ASTN2: variants seen among roughly 807,000 people sequenced by gnomAD.
ASTN2 encodes astrotactin 2.
A neutral mutation model predicts 139.8 loss-of-function variants in ASTN2; 54 were observed. The observed-to-expected ratio is 0.39, with a 90% CI of 0.31 to 0.48. ASTN2 has a LOEUF of 0.48. ASTN2 is among the 20% of genes least tolerant of loss of function. ASTN2 has a pLI of 0.95. For synonymous variants in ASTN2, 756 were observed against 719.5 expected, an observed-to-expected ratio of 1.05 and a Z score of -0.81; for missense variants, 1,565 against 1,725.1, an observed-to-expected ratio of 0.91 and a Z score of 1.64.
rs114995996 is a variant in ASTN2 at position 116,978,176 on chromosome 9, G to A, written c.1592-1391C>T. Among the ~76,000 whole-genome samples the A allele has an allele frequency of 3.0e-3, 460 of 152,210 alleles. 1 individual carries two copies. The highest frequency in any genetic ancestry group is 0.011 in the African/African-American group (443 of 41,520). On this transcript the variant is annotated intron_variant, in intron 7 of 22. Coordinates refer to ENST00000313400, the MANE Select transcript of ASTN2 (RefSeq NM_001365068.1). ...CAGTGTAGTGTGATTCTCCATGAGG[G>A]TGATACATACACAATTTTCACCAAC... is the stretch of plus-strand genomic sequence containing the variant.
chr9:117,414,613 C>T lies in ASTN2; in HGVS notation c.326G>A (p.Gly109Asp). ...AAAAASPGSP[G>D]SAGTAAESRL... ...CGACTCGGCGGCGGTGCCGGCAGAG[C>T]CAGGAGAGCCCGGGGACGCGGCGGC... The change falls in exon 1 of 23, where the codon GGC (glycine) becomes GAC (aspartate). Residue 109 changes from glycine (G) to aspartate (D), a missense_variant. By Grantham distance (94) the Gly-to-Asp change is moderately conservative. Coordinates refer to ENST00000313400, the MANE Select transcript of ASTN2 (RefSeq NM_001365068.1). This position sits in a 1 kb window ranked among gnomAD's most constrained non-coding sequence, Gnocchi z 4.2. 6.5e-7 allele frequency: 1 copy of T among 1,537,202 alleles called. No individual in the cohort carries two copies. Among genetic ancestry groups the T allele is most frequent in the Non-Finnish European group, 8.7e-7 (1 of 1,148,244 alleles).
intron 16 of ASTN2, among the ~76,000 whole-genome samples, chr9:116,680,571 A>C (rs1859790793): frequency 6.6e-6 from 1 of 152,330 alleles, no homozygotes; most frequent in East Asian, 1.9e-4. Flanking sequence ...GACACAACCA[A>C]AAAGGAGAAT....
At chr9:117,225,342 T>C (rs910298379) in intron 2 of ASTN2, among the ~76,000 whole-genome samples, 1 of 151,526 alleles carries the variant, frequency 6.6e-6, no homozygotes, top group African/African-American at 2.4e-5. Flanking sequence ...AATCCCACTC[T>C]GAAGGACGGG....
At chr9:116,538,360 G>C (rs764728860) in intron 19 of ASTN2, among the ~76,000 whole-genome samples, 2 of 150,910 alleles carry the variant, frequency 1.3e-5, no homozygotes, top group Non-Finnish European at 3.0e-5. Flanking sequence ...AAGGAAGGAA[G>C]GAAACAAGGA....
chr9:116,482,720 C>T (rs1849212822), intron 20 of ASTN2, among the ~76,000 whole-genome samples: 2 of 152,164 alleles, frequency 1.3e-5, no homozygotes, highest in Admixed American at 1.3e-4. Flanking sequence ...TTCTACTCTT[C>T]CAACTCTACC....
At chr9:117,374,473 T>A (rs1470286660) in intron 1 of ASTN2, among the ~76,000 whole-genome samples, 4 of 151,380 alleles carry the variant, frequency 2.6e-5, no homozygotes, top group Non-Finnish European at 5.9e-5. Flanking sequence ...CAAGATGACT[T>A]AATCTGGACC....
At chr9:117,200,569 G>T (rs1831675121) in intron 3 of ASTN2, among the ~76,000 whole-genome samples, 2 of 152,278 alleles carry the variant, frequency 1.3e-5, no homozygotes, top group Middle Eastern at 3.4e-3. Context: ...TTTTTAACAT[G>T]AAGGGATGTT....
chr9:117,348,418 G>A (rs1211807780), intron 1 of ASTN2, among the ~76,000 whole-genome samples: 1 of 152,164 alleles, frequency 6.6e-6, no homozygotes, highest in African/African-American at 2.4e-5. Flanking sequence ...ATACAAGCAT[G>A]TCTCTGAAAA....
chr9:116,425,961 G>T lies in ASTN2; in HGVS notation c.3910C>A (p.Arg1304=). The change falls in exon 23 of 23, where the codon CGG becomes AGG. Residue 1304 remains arginine (R), a synonymous_variant. Transcript: ENST00000313400. ...PYLFCRSEEV[R]PAGMVWYSIL... is the part of the protein sequence containing the mutation. Reference sequence around the variant, plus strand: ...CTATACCACACCATGCCTGCAGGCCGGACCTCCTCGCTGCGGCAGAAAAGA... The same window carrying T: ...CTATACCACACCATGCCTGCAGGCCTGACCTCCTCGCTGCGGCAGAAAAGA... 1.2e-6 allele frequency: 2 copies of T among 1,614,104 alleles called. No individual in the cohort carries two copies. Among genetic ancestry groups the T allele is most frequent in the Non-Finnish European group, 1.7e-6 (2 of 1,180,022 alleles).
chr9:116,975,174 G>T, intron 10 of ASTN2, 34 bp downstream of exon 10: 1 of 1,542,766 alleles, frequency 6.5e-7, no homozygotes, highest in Non-Finnish European at 8.8e-7. Flanking sequence ...GTTTTAAGAA[G>T]TACCTATGCA....
intron 2 of ASTN2, among the ~76,000 whole-genome samples, chr9:117,227,841 A>G (rs1453891122): frequency 6.6e-6 from 1 of 152,202 alleles, no homozygotes; most frequent in African/African-American, 2.4e-5. Context: ...ACTGAGCCAG[A>G]AAGTAAAGGG....
At chr9:117,049,914 A>G (rs957256407) in intron 5 of ASTN2, among the ~76,000 whole-genome samples, 1 of 151,612 alleles carries the variant, frequency 6.6e-6, no homozygotes. Context: ...GATGAGAAAT[A>G]GTAGAGAAGA....
At chr9:116,596,217 G>T (rs1171236685) in intron 19 of ASTN2, among the ~76,000 whole-genome samples, 1 of 152,164 alleles carries the variant, frequency 6.6e-6, no homozygotes, top group Non-Finnish European at 1.5e-5. Context: ...TATATGAGAG[G>T]TATCTAAAAT....
intron 22 of ASTN2, among the ~76,000 whole-genome samples, chr9:116,438,994 A>T (rs1213109623): frequency 6.6e-6 from 1 of 152,022 alleles, no homozygotes; most frequent in Non-Finnish European, 1.5e-5. Flanking sequence ...TGTCTTTAAC[A>T]TTTCTCTAAC....
At chr9:117,248,008 T>G (rs369166393) in intron 2 of ASTN2, among the ~76,000 whole-genome samples, 14 of 152,230 alleles carry the variant, frequency 9.2e-5, no homozygotes, top group African/African-American at 3.4e-4. Flanking sequence ...CAACAGACAA[T>G]GAAAATGAGG....
Position 116,425,384 on chromosome 9 carries a change from C to A in ASTN2, c.*467G>T. 3.2e-6 allele frequency: 2 copies of A among 628,522 alleles called. No individual in the cohort carries two copies. The highest frequency in any genetic ancestry group is 5.7e-6 in the Non-Finnish European group (2 of 352,182). 38.9% of individuals were successfully genotyped at this position (628,522 alleles called of 1,614,324 possible). A position where few individuals can be genotyped will look rare whatever the true frequency, so the allele number is the denominator to read the frequency against. ...ACCCATGCTTCCTCACTGCAACCATCCTCAGAGCTTCCTTCCTGGTGCTGA... is the reference window on the plus strand; with the variant it reads ...ACCCATGCTTCCTCACTGCAACCATACTCAGAGCTTCCTTCCTGGTGCTGA... On this transcript the variant is annotated 3_prime_UTR_variant, in exon 23 of 23. Transcript: ENST00000313400.
intron 13 of ASTN2, among the ~76,000 whole-genome samples, chr9:116,802,105 T>C (rs1322110614): frequency 3.3e-5 from 3 of 90,678 alleles, no homozygotes; most frequent in African/African-American, 1.3e-4. Context: ...TTTTTTTTTT[T>C]TGACATGGAG....
intron 19 of ASTN2, among the ~76,000 whole-genome samples, chr9:116,598,653 T>G (rs1854710039): frequency 6.6e-6 from 1 of 152,238 alleles, no homozygotes; most frequent in African/African-American, 2.4e-5. Flanking sequence ...AGTAACTTCA[T>G]CATAGAATTA....
At chr9:117,380,684 G>A (rs901079126) in intron 1 of ASTN2, among the ~76,000 whole-genome samples, 12 of 152,016 alleles carry the variant, frequency 7.9e-5, no homozygotes, top group African/African-American at 2.9e-4. Context: ...TATATGATGT[G>A]GGTCTAAAGG....
Sources: allele counts gnomAD v4.1 joint callset (sites outside exome capture counted in the v4.1 genomes callset), GRCh38; gene constraint gnomAD v4.1.1; non-coding constraint Gnocchi (gnomAD v3.1); transcripts MANE v1.5; gene names NCBI Gene and HGNC (gene_info 2026-07-23, HGNC 2026-07-21).